Variants in VPS13D observed in about 807,000 individuals in gnomAD.
VPS13D encodes intermembrane lipid transfer protein VPS13D.
VPS13D carries 187 observed loss-of-function variants against 461.9 expected under a neutral mutation model. That is an observed-to-expected ratio of 0.40 (90% CI 0.36 to 0.46). The LOEUF is 0.46. VPS13D is among the 20% of genes least tolerant of loss of function. VPS13D has a pLI of 0.60. For synonymous variants in VPS13D, 1,951 were observed against 1,986.3 expected (o/e 0.98, Z 0.47); for missense variants, 4,711 against 5,364.9 (o/e 0.88, Z 3.81).
chr1:12,359,316 A>G (rs1279956036), intron 50 of VPS13D, among the ~76,000 whole-genome samples: 2 of 152,112 alleles, frequency 1.3e-5, no homozygotes, highest in South Asian at 2.1e-4. Context: ...TCTCAAAGCA[A>G]TGTTTAGTTT....
At chr1:12,424,875 C>T (rs1644904628) in intron 65 of VPS13D, among the ~76,000 whole-genome samples, 2 of 152,046 alleles carry the variant, frequency 1.3e-5, no homozygotes, top group African/African-American at 4.8e-5. Context: ...TATTCAGTTG[C>T]TAAGTTGAAA....
At chr1:12,353,556 A>AAAAAAC (rs1643856632) in intron 46 of VPS13D, among the ~76,000 whole-genome samples, 1 of 150,632 alleles carries the variant, frequency 6.6e-6, no homozygotes, top group African/African-American at 2.4e-5. Flanking sequence ...AAAAAAAAAA[A>AAAAAAC]CCAGACATAA....
chr1:12,444,036 G>C (rs1349809821), intron 65 of VPS13D, among the ~76,000 whole-genome samples: 1 of 151,836 alleles, frequency 6.6e-6, no homozygotes, highest in East Asian at 1.9e-4. Flanking sequence ...TTAGAGACAG[G>C]GTTTCACCAT....
At chr1:12,435,711 C>G (rs2100320693) in intron 65 of VPS13D, among the ~76,000 whole-genome samples, 1 of 151,482 alleles carries the variant, frequency 6.6e-6, no homozygotes, top group East Asian at 1.9e-4. Context: ...AAGCAGCACT[C>G]TATCTAGTAG....
chr1:12,407,740 T>A (rs1425485134), intron 63 of VPS13D, among the ~76,000 whole-genome samples: 1 of 152,208 alleles, frequency 6.6e-6, no homozygotes, highest in Non-Finnish European at 1.5e-5. Context: ...TTTCCTCGAT[T>A]CAGACCAAGC....
intron 25 of VPS13D, among the ~76,000 whole-genome samples, chr1:12,300,526 C>G (rs1185802118): frequency 6.6e-6 from 1 of 152,068 alleles, no homozygotes; most frequent in East Asian, 1.9e-4. Flanking sequence ...TTTTCTGTTC[C>G]TGCATTAATT....
At chr1:12,238,870 A>G (rs1640253504) in intron 2 of VPS13D, among the ~76,000 whole-genome samples, 1 of 151,850 alleles carries the variant, frequency 6.6e-6, no homozygotes. Context: ...CTGGGCTCAA[A>G]TGATGCTCCT....
chr1:12,464,183 G>T (rs1470473766), intron 67 of VPS13D, among the ~76,000 whole-genome samples: 1 of 152,152 alleles, frequency 6.6e-6, no homozygotes, highest in Non-Finnish European at 1.5e-5. Context: ...GATTGAACAG[G>T]ATCCAGGGGT....
intron 67 of VPS13D, among the ~76,000 whole-genome samples, chr1:12,461,200 C>T (rs1186743017): frequency 6.6e-6 from 1 of 152,194 alleles, no homozygotes. Context: ...AAGGATTTTG[C>T]TGCTGCTTGG....
intron 24 of VPS13D, among the ~76,000 whole-genome samples, chr1:12,298,881 C>T (rs1302964096): frequency 2.0e-5 from 3 of 152,128 alleles, no homozygotes; most frequent in African/African-American, 7.2e-5. Flanking sequence ...TCTCTCTAAG[C>T]ATAGTTTTAA....
At chr1:12,404,183 C>A (rs1440971976) in intron 63 of VPS13D, among the ~76,000 whole-genome samples, 80 of 138,428 alleles carry the variant, frequency 5.8e-4, no homozygotes, top group African/African-American at 1.7e-3. Context: ...AAAAAAAAAA[C>A]GAAACTTAAA....
At position 12,473,678 on chromosome 1, in the gene VPS13D, G is replaced by T. The variant is rs1446216644; in HGVS notation, c.12662+13282G>T. ...TGTGAATATTCTCCCCTGAATGTTGGAATGTTGTGTGAAGGTGAAACAGGG... is the reference window on the plus strand; with the variant it reads ...TGTGAATATTCTCCCCTGAATGTTGTAATGTTGTGTGAAGGTGAAACAGGG... On this transcript the variant is annotated intron_variant, in intron 67 of 69. Transcript: ENST00000620676. The surrounding 1 kb of genome is among the most constrained non-coding windows in gnomAD (Gnocchi z 4.2). Among the ~76,000 whole-genome samples, 1 of 152,186 alleles carries T rather than the reference G, an allele frequency of 6.6e-6. No homozygotes were observed. Among genetic ancestry groups the T allele is most frequent in the African/African-American group, 2.4e-5 (1 of 41,438 alleles).
At chr1:12,455,954 T>C (rs1645321043) in intron 65 of VPS13D, 44 bp from the exon 66 acceptor site, 1 of 1,560,030 alleles carries the variant, frequency 6.4e-7, no homozygotes, top group South Asian at 1.2e-5. Context: ...GTAAAAATAG[T>C]GCCAAGACTT....
At chr1:12,394,271 TAGA>T (rs1483684706) in intron 60 of VPS13D, among the ~76,000 whole-genome samples, 1 of 152,168 alleles carries the variant, frequency 6.6e-6, no homozygotes, top group Non-Finnish European at 1.5e-5. Flanking sequence ...CCATTCAACC[TAGA>T]AGTTTTCTGC....
At chr1:12,240,864 A>G (rs1278461177) in intron 2 of VPS13D, among the ~76,000 whole-genome samples, 1 of 151,984 alleles carries the variant, frequency 6.6e-6, no homozygotes. Flanking sequence ...TGTTCCTGCA[A>G]AAATCAACAA....
intron 54 of VPS13D, among the ~76,000 whole-genome samples, chr1:12,373,272 C>T (rs939141114): frequency 1.3e-5 from 2 of 151,674 alleles, no homozygotes; most frequent in Admixed American, 1.3e-4. Context: ...AGGGGCCTGC[C>T]TCCATGCCCG....
chr1:12,263,832 C>T (rs1382311536), intron 13 of VPS13D, among the ~76,000 whole-genome samples: 1 of 152,204 alleles, frequency 6.6e-6, no homozygotes, highest in Non-Finnish European at 1.5e-5. Flanking sequence ...TAGGAAACTT[C>T]TAATGGTGTT....
rs147390388 is a variant in VPS13D, at chr1:12,294,641, C to T, written c.6033+937C>T. ...CATCCTGGCCAACATGACGAAACCC[C>T]GTCTTTACTAAAATACAAAAATTAG... is the stretch of plus-strand genomic sequence containing the variant. On this transcript the variant is annotated intron_variant, in intron 24 of 69. Transcript: ENST00000620676. 1.8e-3 allele frequency among the ~76,000 whole-genome samples: 266 copies of T among 151,890 alleles called. 2 individuals carry two copies. Among genetic ancestry groups the T allele is most frequent in the African/African-American group, 5.6e-3 (233 of 41,436 alleles).
At chr1:12,366,888 A>G (rs975976006) in intron 52 of VPS13D, among the ~76,000 whole-genome samples, 2 of 152,226 alleles carry the variant, frequency 1.3e-5, no homozygotes, top group Admixed American at 1.3e-4. Flanking sequence ...AGTCATCATG[A>G]TACTTAAGCC....
Sources: gnomAD v4.1 joint callset for allele counts (sites outside exome capture counted in the v4.1 genomes callset) on GRCh38, gnomAD v4.1.1 for gene constraint, Gnocchi (gnomAD v3.1) non-coding constraint, MANE v1.5 for transcripts, NCBI Gene and HGNC (gene_info 2026-07-23, HGNC 2026-07-21) for gene names.